The following PTPRD variants were observed in gnomAD, a reference collection of about 807,000 sequenced individuals.
PTPRD encodes the protein receptor-type tyrosine-protein phosphatase delta.
A neutral mutation model predicts 214.5 loss-of-function variants in PTPRD; 34 were observed. The observed-to-expected ratio is 0.16, with a 90% CI of 0.12 to 0.21. PTPRD has a LOEUF of 0.21. Among genes scored for constraint, PTPRD ranks in the 10% least tolerant of loss-of-function variants. PTPRD has a pLI of 1.00. For synonymous variants in PTPRD, 1,128 were observed against 845.7 expected (o/e 1.33, Z -5.79); for missense variants, 2,545 against 2,398.7 (o/e 1.06, Z -1.27).
intron 9 of PTPRD, among the ~76,000 whole-genome samples, chr9:9,339,393 G>A (rs1278712880): frequency 6.6e-6 from 1 of 152,026 alleles, no homozygotes; most frequent in East Asian, 1.9e-4. Flanking sequence ...GGCTGAGGCA[G>A]GAGAATGGTG....
intron 12 of PTPRD, 105 bp from the exon 13 acceptor site, chr9:8,636,949 A>G: frequency 8.6e-7 from 1 of 1,165,564 alleles, no homozygotes; most frequent in Non-Finnish European, 1.2e-6. Flanking sequence ...CGCCATCAAG[A>G]CATACATTTT....
At chr9:9,631,308 A>G (rs2095586001) in intron 7 of PTPRD, among the ~76,000 whole-genome samples, 1 of 152,078 alleles carries the variant, frequency 6.6e-6, no homozygotes, top group Non-Finnish European at 1.5e-5. Flanking sequence ...AAAATTCTAC[A>G]AATTGTGAAA....
intron 2 of PTPRD, among the ~76,000 whole-genome samples, chr9:10,408,451 T>C (rs2098399533): frequency 6.6e-6 from 1 of 151,668 alleles, no homozygotes; most frequent in Non-Finnish European, 1.5e-5. Flanking sequence ...GATGGTGCAA[T>C]GGAATCTCAG....
intron 43 of PTPRD, among the ~76,000 whole-genome samples, chr9:8,337,568 T>A (rs1303481851): frequency 6.6e-6 from 1 of 151,812 alleles, no homozygotes; most frequent in Non-Finnish European, 1.5e-5. Context: ...CAAACCTGCA[T>A]GTTCTGCACA....
At chr9:8,789,684 A>T (rs773765869) in intron 11 of PTPRD, among the ~76,000 whole-genome samples, 6 of 152,174 alleles carry the variant, frequency 3.9e-5, no homozygotes, top group Non-Finnish European at 7.3e-5. Context: ...AAAAAAAATC[A>T]ATTTAATGAG....
At chr9:9,142,847 C>T (rs1423687790) in intron 10 of PTPRD, among the ~76,000 whole-genome samples, 1 of 152,068 alleles carries the variant, frequency 6.6e-6, no homozygotes, top group Non-Finnish European at 1.5e-5. Context: ...GGCTCTGTGT[C>T]CTGGAAGATT....
chr9:10,346,503 A>C (rs2097085511), intron 2 of PTPRD, among the ~76,000 whole-genome samples: 1 of 152,224 alleles, frequency 6.6e-6, no homozygotes, highest in African/African-American at 2.4e-5. Flanking sequence ...AAAACTATTC[A>C]TGTGCTATAG....
chr9:9,948,871 G>C (rs2093121028), intron 4 of PTPRD, among the ~76,000 whole-genome samples: 3 of 152,072 alleles, frequency 2.0e-5, no homozygotes, highest in African/African-American at 4.8e-5. Context: ...TAATTGCAAA[G>C]AACAAGATAT....
chr9:9,746,404 CA>C lies in PTPRD; in HGVS notation c.-325-11834del, dbSNP rs2098458513. ...GGAGAAAACATATCTAAAAATCTAT[CA>C]GGGGAACAAATCTGCAGATAGAGTA... On this transcript the variant is annotated intron_variant, in intron 6 of 45. Coordinates refer to ENST00000381196, the MANE Select transcript of PTPRD (RefSeq NM_002839.4). Among the ~76,000 whole-genome samples the C allele has an allele frequency of 2.0e-5, 3 of 152,210 alleles. No homozygotes were observed. In the South Asian group the frequency reaches 6.2e-4, roughly 32 times the overall value.
In PTPRD at chr9:10,363,991, G is replaced by GTTTTTTTTTTTTTTTTT. The variant is rs71270610; in HGVS notation, c.-599-22991_-599-22975dup. ...ATTATTATTGCCTCCACATTTTCGG[G>GTTTTTTTTTTTTTTTTT]TTTTTTTTTTTTTTTTTTTTTTTTT... is the stretch of plus-strand genomic sequence containing the variant. On this transcript the variant is annotated intron_variant, in intron 2 of 45. Coordinates refer to ENST00000381196, the MANE Select transcript of PTPRD (RefSeq NM_002839.4). Among the ~76,000 whole-genome samples the GTTTTTTTTTTTTTTTTT allele has an allele frequency of 5.4e-4, 19 of 35,120 alleles. 5 individuals carry two copies. The highest frequency in any genetic ancestry group is 1.9e-3 in the African/African-American group (15 of 8,104). 23.0% of individuals were successfully genotyped at this position (35,120 alleles called of 152,430 possible).
intron 12 of PTPRD, among the ~76,000 whole-genome samples, chr9:8,683,320 T>C (rs948932403): frequency 1.3e-5 from 2 of 152,024 alleles, no homozygotes; most frequent in Non-Finnish European, 2.9e-5. Flanking sequence ...AAAGTTAAGC[T>C]TCTTTGAAAA....
At chr9:9,284,149 C>A (rs1035907559) in intron 9 of PTPRD, among the ~76,000 whole-genome samples, 1 of 151,534 alleles carries the variant, frequency 6.6e-6, no homozygotes, top group African/African-American at 2.4e-5. Flanking sequence ...TTTAATTAAA[C>A]GTAAAATAAT....
At chr9:10,299,985 C>G (rs1201659167) in intron 3 of PTPRD, among the ~76,000 whole-genome samples, 1 of 152,090 alleles carries the variant, frequency 6.6e-6, no homozygotes, top group Non-Finnish European at 1.5e-5. Context: ...TAATATATCT[C>G]TGAAAGGCCA....
chr9:8,833,341 C>T (rs916593149), intron 11 of PTPRD, among the ~76,000 whole-genome samples: 1 of 151,832 alleles, frequency 6.6e-6, no homozygotes, highest in South Asian at 2.1e-4. Flanking sequence ...TTTGATAAGC[C>T]TGATATATAA....
intron 4 of PTPRD, among the ~76,000 whole-genome samples, chr9:9,944,289 T>C: frequency 6.6e-6 from 1 of 152,146 alleles, no homozygotes; most frequent in East Asian, 1.9e-4. Context: ...TCCACCTATT[T>C]GAGGAGTAGT....
intron 11 of PTPRD, among the ~76,000 whole-genome samples, chr9:8,920,425 G>T (rs1490519465): frequency 6.6e-6 from 1 of 152,040 alleles, no homozygotes; most frequent in African/African-American, 2.4e-5. Flanking sequence ...ATCTATCTTG[G>T]TCATATTTTT....
intron 4 of PTPRD, among the ~76,000 whole-genome samples, chr9:9,944,397 G>C (rs1021677832): frequency 1.4e-5 from 2 of 140,472 alleles, no homozygotes; most frequent in African/African-American, 4.9e-5. Flanking sequence ...ACTAAGGCTG[G>C]CACTTAAAAT....
intron 10 of PTPRD, among the ~76,000 whole-genome samples, chr9:9,029,947 C>T (rs552404983): frequency 5.3e-5 from 8 of 151,944 alleles, no homozygotes; most frequent in African/African-American, 1.9e-4. Context: ...GGTGGTGACT[C>T]AATGGCAATT....
chr9:8,970,941 A>C (rs1411642449), intron 11 of PTPRD, among the ~76,000 whole-genome samples: 1 of 149,936 alleles, frequency 6.7e-6, no homozygotes, highest in Admixed American at 6.7e-5. Context: ...ACCAAACAAA[A>C]AACACAGAAT....
Sources: allele counts gnomAD v4.1 joint callset (sites outside exome capture counted in the v4.1 genomes callset), GRCh38; gene constraint gnomAD v4.1.1; transcripts MANE v1.5; gene names NCBI Gene and HGNC (gene_info 2026-07-23, HGNC 2026-07-21).